TDP1: variants seen among roughly 807,000 people sequenced by gnomAD.
TDP1 encodes the protein tyrosyl-DNA phosphodiesterase 1.
Under a neutral mutation model 81.5 loss-of-function variants are expected in TDP1, and 64 were observed. The ratio of observed to expected loss-of-function variants is 0.79; its 90% confidence interval spans 0.64 to 0.97. The LOEUF is 0.97. Ranked by LOEUF, TDP1 falls within the 50% of genes least tolerant of loss-of-function variation. The pLI is 0.00. For synonymous variants in TDP1, 256 were observed against 264.3 expected (o/e 0.97, Z 0.30); for missense variants, 723 against 743.8 (o/e 0.97, Z 0.33).
rs1896704005 is a variant in TDP1 at position 89,997,038 on chromosome 14, T to G, written c.1541+3555T>G. Among the ~76,000 whole-genome samples, 3 of 152,236 alleles carry G rather than the reference T, an allele frequency of 2.0e-5. No individual in the cohort carries two copies. In the South Asian group the frequency reaches 6.2e-4, roughly 32 times the overall value. ...GAAAGAGATTTACCAAAGAATTCAT[T>G]GTATACATATTAGTTAATTGCACTT... is the stretch of plus-strand genomic sequence containing the variant. On this transcript the variant is annotated intron_variant, in intron 14 of 16. Transcript: ENST00000335725.
intron 5 of TDP1, among the ~76,000 whole-genome samples, chr14:89,970,358 G>A (rs1039867069): frequency 2.6e-5 from 4 of 152,152 alleles, no homozygotes; most frequent in African/African-American, 9.7e-5. Flanking sequence ...TAGTGAAGCT[G>A]CGTCATGCTG....
chr14:89,983,343 C>A (rs1895203475), intron 8 of TDP1: 3 of 294,390 alleles, frequency 1.0e-5, no homozygotes, highest in Non-Finnish European at 1.3e-5. Context: ...ATGCTACCTC[C>A]TGTGCTAAGT....
chr14:90,001,829 T>A lies in TDP1; in HGVS notation c.1541+8346T>A, dbSNP rs73328404. Among the ~76,000 whole-genome samples, 906 of 152,298 alleles carry A rather than the reference T, an allele frequency of 5.9e-3. 5 individuals are homozygous for A. Among genetic ancestry groups the A allele is most frequent in the African/African-American group, 0.021 (869 of 41,568 alleles). ...TGGCGCCTTTTGCTTGGTCCTTTTT[T>A]CATCTTCCCAGTTTATTTTATTTAT... On this transcript the variant is annotated intron_variant, in intron 14 of 16. Coordinates refer to ENST00000335725, the MANE Select transcript of TDP1 (RefSeq NM_018319.4).
At chr14:89,967,811 TC>T (rs1461756458) in intron 5 of TDP1, among the ~76,000 whole-genome samples, 3 of 152,212 alleles carry the variant, frequency 2.0e-5, no homozygotes, top group Non-Finnish European at 2.9e-5. Context: ...GTTTTGAGGA[TC>T]CCTTTGTGTT....
intron 7 of TDP1, chr14:89,980,043 A>G: frequency 3.0e-6 from 1 of 332,802 alleles, no homozygotes; most frequent in Non-Finnish European, 4.3e-6. Context: ...TACACTTTAC[A>G]TTTCAGTGTA....
intron 14 of TDP1, among the ~76,000 whole-genome samples, 174 bp downstream of exon 14, chr14:89,993,657 G>A (rs546371263): frequency 7.9e-4 from 120 of 152,260 alleles, no homozygotes; most frequent in African/African-American, 2.8e-3. Flanking sequence ...CCTTTGTAAA[G>A]TATATGATCA....
intron 16 of TDP1, among the ~76,000 whole-genome samples, chr14:90,037,531 A>G (rs748960339): frequency 1.3e-5 from 2 of 152,212 alleles, no homozygotes; most frequent in Admixed American, 6.5e-5. Context: ...AAGTTTTGGC[A>G]TAATTCCAAA....
At chr14:89,993,526 G>A (rs1896404043) in intron 14 of TDP1, 43 bp downstream of exon 14, 1 of 1,603,726 alleles carries the variant, frequency 6.2e-7, no homozygotes, top group African/African-American at 1.3e-5. Context: ...TCTTTTTAAT[G>A]TGTTCATAAT....
At chr14:90,000,696 C>G (rs1019458611) in intron 14 of TDP1, among the ~76,000 whole-genome samples, 3 of 152,184 alleles carry the variant, frequency 2.0e-5, no homozygotes, top group African/African-American at 7.2e-5. Context: ...ACTGATATTT[C>G]TTTCCTGGTT....
chr14:90,041,679 A>G (rs906958052), intron 16 of TDP1, among the ~76,000 whole-genome samples: 14 of 152,190 alleles, frequency 9.2e-5, no homozygotes, highest in African/African-American at 3.1e-4. Context: ...GCAGTTTACA[A>G]TGTGCATTCT....
At chr14:89,993,589 T>C in intron 14 of TDP1, 106 bp downstream of exon 14, 1 of 1,513,776 alleles carries the variant, frequency 6.6e-7, no homozygotes, top group Admixed American at 2.0e-5. Context: ...GAGTTGTCAT[T>C]AGTTTTCAGT....
chr14:90,020,348 C>T (rs1373409825), intron 15 of TDP1, among the ~76,000 whole-genome samples: 1 of 145,734 alleles, frequency 6.9e-6, no homozygotes, highest in African/African-American at 2.8e-5. Flanking sequence ...TCCTTCCTTC[C>T]TCCCTTCCTC....
rs1178502693 is a variant in TDP1 at position 89,998,412 on chromosome 14, ATATATATATATG to A, written c.1541+4933_1541+4944del. On this transcript the variant is annotated intron_variant, in intron 14 of 16. Coordinates refer to ENST00000335725, the MANE Select transcript of TDP1 (RefSeq NM_018319.4). ...TATATATATATATATATATATATAT[ATATATATATATG>A]TATGTATGTATGTATGTATATGTAT... Among the ~76,000 whole-genome samples, 48 of 95,838 alleles carry A rather than the reference ATATATATATATG, an allele frequency of 5.0e-4. 1 individual carries two copies. Among genetic ancestry groups the A allele is most frequent in the African/African-American group, 9.5e-4 (17 of 17,820 alleles). 62.9% of individuals were successfully genotyped at this position (95,838 alleles called of 152,430 possible). A position where few individuals can be genotyped will look rare whatever the true frequency, so the allele number is the denominator to read the frequency against.
chr14:89,983,374 A>C (rs892669006), intron 8 of TDP1: 6 of 229,254 alleles, frequency 2.6e-5, no homozygotes, highest in Admixed American at 1.1e-4. Flanking sequence ...GGTGGGAAGC[A>C]GGGGTATGAA....
intron 5 of TDP1, 65 bp from the exon 6 acceptor site, chr14:89,971,110 A>G (rs1893583224): frequency 1.4e-6 from 2 of 1,414,672 alleles, no homozygotes; most frequent in South Asian, 1.2e-5. Context: ...TGCCGGGATT[A>G]CAGGTGTGAG....
At chr14:90,035,077 C>G (rs36090966) in intron 16 of TDP1, among the ~76,000 whole-genome samples, 175 of 152,212 alleles carry the variant, frequency 1.1e-3, no homozygotes, top group African/African-American at 4.1e-3. Flanking sequence ...TCCTCTGTCC[C>G]GCTAACCATT....
chr14:90,012,996 G>A (rs185559846), intron 14 of TDP1, among the ~76,000 whole-genome samples: 1 of 152,336 alleles, frequency 6.6e-6, no homozygotes, highest in African/African-American at 2.4e-5. Context: ...GACTTGCATG[G>A]GGCCTGTAGC....
At chr14:89,955,886 T>C, upstream of TDP1, 1 of 152,470 alleles carries the variant, frequency 6.6e-6, no homozygotes, top group Non-Finnish European at 1.5e-5. Context: ...CACAAGCCGC[T>C]GCCGCCAGGG....
intron 3 of TDP1, 91 bp from the exon 4 acceptor site, chr14:89,966,056 A>G (rs1398459027): frequency 3.0e-6 from 3 of 1,010,246 alleles, no homozygotes; most frequent in Non-Finnish European, 4.7e-6. Flanking sequence ...TCAGATCTTG[A>G]TTGTCAGTGA....
Sources: gnomAD v4.1 joint callset for allele counts (sites outside exome capture counted in the v4.1 genomes callset) on GRCh38, gnomAD v4.1.1 for gene constraint, MANE v1.5 for transcripts, NCBI Gene and HGNC (gene_info 2026-07-23, HGNC 2026-07-21) for gene names.